Variants in ST6GALNAC3 observed in about 807,000 individuals in gnomAD.
ST6GALNAC3 encodes alpha-N-acetylgalactosaminide alpha-2,6-sialyltransferase 3.
Under a neutral mutation model 32.7 loss-of-function variants are expected in ST6GALNAC3, and 25 were observed. The ratio of observed to expected loss-of-function variants is 0.76; its 90% CI spans 0.56 to 1.07. The LOEUF (loss-of-function observed/expected upper bound fraction) is 1.07, where lower values mean the gene tolerates loss of function less well. ST6GALNAC3 is among the 50% of genes least tolerant of loss of function. ST6GALNAC3 has a pLI of 0.00. For synonymous variants in ST6GALNAC3, 129 were observed against 133.1 expected (o/e 0.97, Z 0.21); for missense variants, 355 against 382.4 (o/e 0.93, Z 0.60).
intron 2 of ST6GALNAC3, among the ~76,000 whole-genome samples, chr1:76,337,691 G>T (rs1005538661): frequency 6.6e-6 from 1 of 152,082 alleles, no homozygotes; most frequent in Non-Finnish European, 1.5e-5. Flanking sequence ...AGATCCCAAG[G>T]TTTATTTGCA....
At chr1:76,487,643 G>T (rs1280438163) in intron 3 of ST6GALNAC3, among the ~76,000 whole-genome samples, 1 of 152,068 alleles carries the variant, frequency 6.6e-6, no homozygotes, top group Non-Finnish European at 1.5e-5. Context: ...TTTTTTCAAG[G>T]TTTTTAGCTT....
rs775065116 is a variant in ST6GALNAC3, at chr1:76,417,649, T to C, written c.623+5232T>C. Among the ~76,000 whole-genome samples the C allele has an allele frequency of 2.6e-5, 4 of 152,146 alleles. No individual in the cohort carries two copies. In the South Asian group the frequency reaches 8.3e-4, roughly 31 times the overall value. ...TGCTTTCCTATGGGTAGGTGGGCAA[T>C]TGCAGCTTGGATTTCACTTTAGAAA... On this transcript the variant is annotated intron_variant, in intron 3 of 4. Transcript: ENST00000328299.
intron 3 of ST6GALNAC3, among the ~76,000 whole-genome samples, chr1:76,425,533 T>C (rs918163302): frequency 2.0e-5 from 3 of 151,972 alleles, no homozygotes; most frequent in Non-Finnish European, 4.4e-5. Flanking sequence ...TTGTTCTAGA[T>C]GTGGGGAATC....
intron 1 of ST6GALNAC3, among the ~76,000 whole-genome samples, chr1:76,312,686 C>A (rs946531242): frequency 1.3e-5 from 2 of 152,068 alleles, no homozygotes; most frequent in African/African-American, 4.8e-5. Flanking sequence ...TCCCCTTTAA[C>A]AAAACAAAAT....
intron 3 of ST6GALNAC3, among the ~76,000 whole-genome samples, chr1:76,479,016 G>A (rs1659549409): frequency 6.6e-6 from 1 of 152,036 alleles, no homozygotes; most frequent in East Asian, 1.9e-4. Context: ...GCCCACCTTG[G>A]CCTCCCAAAG....
chr1:76,570,658 C>T (rs542401616), intron 3 of ST6GALNAC3, among the ~76,000 whole-genome samples: 3 of 152,092 alleles, frequency 2.0e-5, no homozygotes, highest in Non-Finnish European at 2.9e-5. Flanking sequence ...AAGGCTTATG[C>T]GTGCTTTTAT....
chr1:76,445,392 T>C (rs1474646758), intron 3 of ST6GALNAC3, among the ~76,000 whole-genome samples: 1 of 152,192 alleles, frequency 6.6e-6, no homozygotes, highest in Admixed American at 6.5e-5. Flanking sequence ...AAATATGCCC[T>C]CACAGTGATT....
chr1:76,480,428 A>G lies in ST6GALNAC3; in HGVS notation c.623+68011A>G, dbSNP rs373838331. Reference sequence around the variant, plus strand: ...TTTTAAGTTTCCTTTAACTGTAAACATGAGCTAATGCCACATGAAACTAGG... The same window carrying G: ...TTTTAAGTTTCCTTTAACTGTAAACGTGAGCTAATGCCACATGAAACTAGG... On this transcript the variant is annotated intron_variant, in intron 3 of 4. Coordinates refer to ENST00000328299, the MANE Select transcript of ST6GALNAC3 (RefSeq NM_152996.4). Among the ~76,000 whole-genome samples, 6 of 152,208 alleles carry G rather than the reference A, an allele frequency of 3.9e-5. No homozygotes were observed. In the South Asian group the frequency reaches 8.3e-4, roughly 21 times the overall value.
chr1:76,299,379 G>GA (rs946454292), intron 1 of ST6GALNAC3, among the ~76,000 whole-genome samples: 2 of 152,042 alleles, frequency 1.3e-5, no homozygotes, highest in African/African-American at 4.8e-5. Flanking sequence ...TGCCAGTGGG[G>GA]AAGCATTAGT....
chr1:76,106,418 CTT>C (rs1298973087), intron 1 of ST6GALNAC3, among the ~76,000 whole-genome samples: 2 of 152,176 alleles, frequency 1.3e-5, no homozygotes, highest in Non-Finnish European at 2.9e-5. Flanking sequence ...TTTGGAAACT[CTT>C]TGCCATTTTC....
chr1:76,188,782 G>T (rs1653728047), intron 1 of ST6GALNAC3, among the ~76,000 whole-genome samples: 1 of 152,188 alleles, frequency 6.6e-6, no homozygotes, highest in African/African-American at 2.4e-5. Context: ...TCATGATAAA[G>T]GTCTTCATCC....
intron 1 of ST6GALNAC3, among the ~76,000 whole-genome samples, chr1:76,096,778 C>G (rs1647139586): frequency 1.3e-5 from 2 of 152,064 alleles, no homozygotes; most frequent in Non-Finnish European, 1.5e-5. Flanking sequence ...CTTTCACTCT[C>G]CCAAAGGAGA....
intron 3 of ST6GALNAC3, among the ~76,000 whole-genome samples, chr1:76,559,672 T>G (rs1665133466): frequency 6.6e-6 from 1 of 152,096 alleles, no homozygotes; most frequent in Non-Finnish European, 1.5e-5. Context: ...GTACACAGAA[T>G]AAAACACCTT....
chr1:76,413,131 C>A (rs1654382499), intron 3 of ST6GALNAC3: 1 of 189,596 alleles, frequency 5.3e-6, no homozygotes, highest in Non-Finnish European at 1.1e-5. Context: ...TTCCCCTCCC[C>A]TTCCTTCTCC....
chr1:76,260,048 T>C (rs983187233), intron 1 of ST6GALNAC3, among the ~76,000 whole-genome samples: 4 of 152,076 alleles, frequency 2.6e-5, no homozygotes, highest in Non-Finnish European at 2.9e-5. Flanking sequence ...CTGGTGTTCA[T>C]TGAGCTAATT....
chr1:76,314,345 A>G (rs936420100), intron 2 of ST6GALNAC3, among the ~76,000 whole-genome samples: 7 of 152,130 alleles, frequency 4.6e-5, no homozygotes, highest in African/African-American at 1.4e-4. Flanking sequence ...GATTTCCTGT[A>G]GGTCAACTGG....
At chr1:76,235,908 C>T (rs1656628377) in intron 1 of ST6GALNAC3, among the ~76,000 whole-genome samples, 1 of 151,456 alleles carries the variant, frequency 6.6e-6, no homozygotes. Context: ...CCCCTTTTAA[C>T]AATGGTACCA....
chr1:76,309,371 G>A (rs1045529178), intron 1 of ST6GALNAC3, among the ~76,000 whole-genome samples: 1 of 152,114 alleles, frequency 6.6e-6, no homozygotes, highest in Non-Finnish European at 1.5e-5. Flanking sequence ...TGATATACAT[G>A]TGAGACATGC....
At chr1:76,560,578 A>G (rs989937590) in intron 3 of ST6GALNAC3, among the ~76,000 whole-genome samples, 7 of 152,256 alleles carry the variant, frequency 4.6e-5, no homozygotes, top group African/African-American at 1.7e-4. Context: ...AGGCATATGA[A>G]GTAGTGCTCA....
Sources: allele counts gnomAD v4.1 joint callset (sites outside exome capture counted in the v4.1 genomes callset), GRCh38; gene constraint gnomAD v4.1.1; transcripts MANE v1.5; gene names NCBI Gene and HGNC (gene_info 2026-07-23, HGNC 2026-07-21).